The following ZRANB3 variants were observed in gnomAD, a reference collection of about 807,000 sequenced individuals.
ZRANB3 encodes the protein DNA annealing helicase and endonuclease ZRANB3.
A neutral mutation model predicts 133.8 loss-of-function variants in ZRANB3; 125 were observed. That is an observed-to-expected ratio of 0.93 (90% CI 0.81 to 1.08). ZRANB3 has a LOEUF of 1.08. Among genes scored for constraint, ZRANB3 ranks in the 50% least tolerant of loss-of-function variants. ZRANB3 has a pLI of 0.00. For synonymous variants in ZRANB3, 387 were observed against 432.7 expected, an observed-to-expected ratio of 0.89 and a Z score of 1.31; for missense variants, 1,229 against 1,275.5, an observed-to-expected ratio of 0.96 and a Z score of 0.56.
At chr2:135,219,022 C>T in intron 16 of ZRANB3, 55 bp downstream of exon 16, 1 of 1,185,320 alleles carries the variant, frequency 8.4e-7, no homozygotes. Context: ...ATTAAAATTA[C>T]TAAAACAAGT....
chr2:135,499,557 A>G (rs1574210147), intron 2 of ZRANB3, among the ~76,000 whole-genome samples: 1 of 152,236 alleles, frequency 6.6e-6, no homozygotes, highest in African/African-American at 2.4e-5. Flanking sequence ...ATGAACAGGC[A>G]TTTAAAAAAA....
chr2:135,357,332 G>A (rs1367321833), intron 3 of ZRANB3, among the ~76,000 whole-genome samples: 1 of 151,850 alleles, frequency 6.6e-6, no homozygotes, highest in Non-Finnish European at 1.5e-5. Context: ...GTCTTGTTCT[G>A]TCACCCAGGC....
At chr2:135,529,524 CG>C (rs1335559174) in intron 1 of ZRANB3, among the ~76,000 whole-genome samples, 11 of 151,974 alleles carry the variant, frequency 7.2e-5, no homozygotes, top group African/African-American at 2.7e-4. Flanking sequence ...TGTTTTGAGA[CG>C]GAGTCTCGCT....
chr2:135,432,458 C>T (rs924185293), intron 2 of ZRANB3, among the ~76,000 whole-genome samples: 24 of 152,104 alleles, frequency 1.6e-4, no homozygotes, highest in Non-Finnish European at 2.9e-4. Context: ...CAGCAATAAA[C>T]ATAAACCCTA....
In ZRANB3 at chr2:135,269,094, G is replaced by A. The variant is rs751493257; in HGVS notation, c.1254C>T (p.Tyr418=). 6.2e-7 allele frequency: 1 copy of A among 1,611,228 alleles called. No homozygotes were observed. The highest frequency in any genetic ancestry group is 8.5e-7 in the Non-Finnish European group (1 of 1,179,202). Reference sequence around the variant, plus strand: ...CTTGTTTTATATGTCCAGGGTCCCAGTACAACTCAGCAAATACAACATGAC... The same window carrying A: ...CTTGTTTTATATGTCCAGGGTCCCAATACAACTCAGCAAATACAACATGAC... The part of the protein sequence containing the change: ...AASHVVFAEL[Y]WDPGHIKQAE... The change falls in exon 11 of 21, where the codon TAC becomes TAT. Residue 418 remains tyrosine, a synonymous_variant. Coordinates refer to ENST00000264159, the MANE Select transcript of ZRANB3 (RefSeq NM_032143.4).
At position 135,327,097 on chromosome 2, in the gene ZRANB3, G is replaced by A. The variant is rs148314341; in HGVS notation, c.678-11567C>T. ...AAGCTGGGTAATGAGTACATGGGGG[G>A]TTCATTATACTATAGGATGTACTTT... On this transcript the variant is annotated intron_variant, in intron 6 of 20. Transcript: ENST00000264159. 1.3e-4 allele frequency among the ~76,000 whole-genome samples: 19 copies of A among 151,946 alleles called. No individual in the cohort carries two copies. The East Asian group carries it at 3.7e-3, about 29-fold the overall frequency.
chr2:135,225,967 A>G lies in ZRANB3; in HGVS notation c.2159-1450T>C, dbSNP rs567935688. 2.1e-4 allele frequency among the ~76,000 whole-genome samples: 32 copies of G among 152,322 alleles called. No homozygotes were observed. In the South Asian group the frequency reaches 6.4e-3, roughly 31 times the overall value. On this transcript the variant is annotated intron_variant, in intron 14 of 20. Transcript: ENST00000264159. ...GCCAAAGAAAGCAACTGAAAGCAGGAGAAATTGCCAAATCCCTCAGAATAA... is the reference window on the plus strand; with the variant it reads ...GCCAAAGAAAGCAACTGAAAGCAGGGGAAATTGCCAAATCCCTCAGAATAA...
intron 2 of ZRANB3, among the ~76,000 whole-genome samples, chr2:135,489,425 T>A (rs1444556148): frequency 6.6e-6 from 1 of 151,570 alleles, no homozygotes; most frequent in Non-Finnish European, 1.5e-5. Context: ...AACCTGCACA[T>A]TGTGCACATG....
At chr2:135,505,631 A>C (rs932843922) in intron 1 of ZRANB3, among the ~76,000 whole-genome samples, 4 of 152,122 alleles carry the variant, frequency 2.6e-5, no homozygotes, top group Admixed American at 2.6e-4. Flanking sequence ...TTATATAACT[A>C]TTGCTCTCTT....
At chr2:135,393,598 C>A (rs1455774774) in intron 2 of ZRANB3, among the ~76,000 whole-genome samples, 2 of 152,084 alleles carry the variant, frequency 1.3e-5, no homozygotes, top group African/African-American at 4.8e-5. Flanking sequence ...AGGGAAATTT[C>A]TCTGGGCTGG....
At chr2:135,301,980 C>G (rs1358554250) in intron 8 of ZRANB3, among the ~76,000 whole-genome samples, 1 of 152,072 alleles carries the variant, frequency 6.6e-6, no homozygotes, top group African/African-American at 2.4e-5. Flanking sequence ...AAAAGAAGCA[C>G]CAACACTGGT....
At chr2:135,248,817 A>G (rs1573756336) in intron 12 of ZRANB3, among the ~76,000 whole-genome samples, 1 of 152,160 alleles carries the variant, frequency 6.6e-6, no homozygotes, top group African/African-American at 2.4e-5. Context: ...GAGGCATGCA[A>G]CTTGCTTGAA....
At chr2:135,490,495 T>C (rs922377984) in intron 2 of ZRANB3, among the ~76,000 whole-genome samples, 1 of 151,774 alleles carries the variant, frequency 6.6e-6, no homozygotes, top group African/African-American at 2.4e-5. Flanking sequence ...TCAAAAAAAA[T>C]GGGAATAAGG....
chr2:135,330,449 G>A (rs911424492), intron 6 of ZRANB3, among the ~76,000 whole-genome samples: 1 of 151,726 alleles, frequency 6.6e-6, no homozygotes, highest in African/African-American at 2.4e-5. Context: ...CTGCTGGATT[G>A]TTTGCCAGTA....
At chr2:135,503,869 C>T (rs568878215) in intron 2 of ZRANB3, among the ~76,000 whole-genome samples, 7 of 152,018 alleles carry the variant, frequency 4.6e-5, no homozygotes, top group African/African-American at 1.7e-4. Context: ...ATTCAGGAGG[C>T]TGATGTGGCA....
chr2:135,262,029 G>A (rs1224844453), intron 12 of ZRANB3, among the ~76,000 whole-genome samples: 2 of 151,688 alleles, frequency 1.3e-5, no homozygotes, highest in African/African-American at 2.4e-5. Flanking sequence ...GCGTGGTGGC[G>A]TGTGCCTGTT....
intron 2 of ZRANB3, among the ~76,000 whole-genome samples, chr2:135,503,838 G>A (rs1277695839): frequency 6.6e-6 from 1 of 151,858 alleles, no homozygotes; most frequent in Non-Finnish European, 1.5e-5. Context: ...GTGTGGTGGC[G>A]TGCACCCTGT....
chr2:135,508,224 G>A (rs541882114), intron 1 of ZRANB3, among the ~76,000 whole-genome samples: 4 of 151,990 alleles, frequency 2.6e-5, no homozygotes, highest in Admixed American at 6.6e-5. Flanking sequence ...TGCAAGCTCC[G>A]CCTCCTGGGT....
At chr2:135,322,709 T>A (rs1250345180) in intron 6 of ZRANB3, among the ~76,000 whole-genome samples, 1 of 151,726 alleles carries the variant, frequency 6.6e-6, no homozygotes, top group Non-Finnish European at 1.5e-5. Context: ...CCAAGCAAGA[T>A]CATGTCTCTT....
Sources: gnomAD v4.1 joint callset for allele counts (sites outside exome capture counted in the v4.1 genomes callset) on GRCh38, gnomAD v4.1.1 for gene constraint, MANE v1.5 for transcripts, NCBI Gene and HGNC (gene_info 2026-07-23, HGNC 2026-07-21) for gene names.